The following RBM10 variants were observed in gnomAD, a reference collection of about 807,000 sequenced individuals.
RBM10 encodes the protein RNA binding motif protein 10.
Under a neutral mutation model 84.9 loss-of-function variants are expected in RBM10, and 1 was observed. The observed-to-expected ratio is 0.01, with a 90% CI of 0.00 to 0.06. RBM10 has a LOEUF of 0.06. Ranked by LOEUF, RBM10 falls within the 10% of genes least tolerant of loss-of-function variation. RBM10 has a pLI of 1.00. For synonymous variants in RBM10, 326 were observed against 344.5 expected (o/e 0.95, Z 0.60); for missense variants, 438 against 839.0 (o/e 0.52, Z 5.90).
chrX:47,146,176 T>G (rs191182811), intron 1 of RBM10, among the ~76,000 whole-genome samples: 4 of 111,202 alleles, frequency 3.6e-5, no homozygotes, highest in African/African-American at 1.3e-4. Context: ...CCTTCTGTGA[T>G]GTGGGCCCGT....
At chrX:47,174,876 G>A (rs1935009895) in intron 5 of RBM10, 143 bp from the exon 6 acceptor site, 3 of 482,545 alleles carry the variant, frequency 6.2e-6, no homozygotes, top group East Asian at 3.9e-5. Context: ...CTCTCTGATT[G>A]CCTCTTTCTC....
rs1932011120 is a variant in RBM10 at position 47,145,294 on chromosome X, T to G, written c.-317T>G. 3 of 597,216 alleles carry G rather than the reference T, an allele frequency of 5.0e-6. No individual in the cohort carries two copies. Among genetic ancestry groups the G allele is most frequent in the African/African-American group, 4.5e-5 (2 of 44,856 alleles). 49.2% of individuals were successfully genotyped at this position (597,216 alleles called of 1,213,427 possible). Reference sequence around the variant, plus strand: ...TTTTGAGCTGGTGACTGTGGCCGGCTGGGAGTAGGCGGCAGTGAGTTTCCC... The same window carrying G: ...TTTTGAGCTGGTGACTGTGGCCGGCGGGGAGTAGGCGGCAGTGAGTTTCCC... On this transcript the variant is annotated 5_prime_UTR_variant, in exon 1 of 24. Transcript: ENST00000377604.
In RBM10 at chrX:47,181,797, C is replaced by T. The variant is rs1341933980; in HGVS notation, c.1624C>T (p.Pro542Ser). The change falls in exon 15 of 24, where the codon CCT becomes TCT. Residue 542 changes from proline to serine, a missense_variant. Coordinates refer to ENST00000377604, the MANE Select transcript of RBM10 (RefSeq NM_005676.5). ...TGTGCTCAAATCTGAGCTCCAGAGC[C>T]CTACCCATCCTAGTTCTGCTCTCCC... ...PAVLKSELQS[P>S]THPSSALPPA... The T allele has an allele frequency of 8.3e-7, 1 of 1,211,500 alleles. No individual in the cohort carries two copies. Among genetic ancestry groups the T allele is most frequent in the Non-Finnish European group, 1.1e-6 (1 of 895,491 alleles).
At chrX:47,166,471 C>CTTTT (rs1287386508) in intron 2 of RBM10, among the ~76,000 whole-genome samples, 1 of 105,672 alleles carries the variant, frequency 9.5e-6, no homozygotes. Flanking sequence ...TTCTCTCTCT[C>CTTTT]TTTTTTTTTT....
At chrX:47,162,734 G>T (rs782162692) in intron 2 of RBM10, among the ~76,000 whole-genome samples, 225 of 110,241 alleles carry the variant, frequency 2.0e-3, no homozygotes, top group Non-Finnish European at 3.8e-3. Context: ...ATTAGCTGGG[G>T]GTGGTGGCAG....
chrX:47,146,263 G>GAGT (rs1381779386), intron 1 of RBM10, among the ~76,000 whole-genome samples: 5 of 110,819 alleles, frequency 4.5e-5, no homozygotes, highest in Non-Finnish European at 1.9e-5. Context: ...CCCTTTGCCA[G>GAGT]AGTCTCTTGA....
rs1569196605 is a variant in RBM10 at position 47,182,030 on chromosome X, C to T, written c.1773C>T (p.Asp591=). 3 of 1,209,516 alleles carry T rather than the reference C, an allele frequency of 2.5e-6. No individual in the cohort carries two copies. The highest frequency in any genetic ancestry group is 3.5e-5 in the African/African-American group (2 of 57,014). ...ACCCCCAGACCGGCCTCTACTATGA[C>T]CCCAACTCCCAGGTAATAGGGCAGC... ...YYDPQTGLYY[D]PNSQYYYNAQ... Residue 591 remains aspartate, a synonymous_variant, in exon 16 of 24, where the codon GAC becomes GAT. Coordinates refer to ENST00000377604, the MANE Select transcript of RBM10 (RefSeq NM_005676.5).
At chrX:47,150,393 C>A (rs1254134035) in intron 2 of RBM10, among the ~76,000 whole-genome samples, 2 of 111,362 alleles carry the variant, frequency 1.8e-5, no homozygotes, top group Non-Finnish European at 1.9e-5. Flanking sequence ...TGGTCTCGAT[C>A]TCCTGACCTG....
At chrX:47,169,227 A>G in intron 2 of RBM10, 88 bp from the exon 3 acceptor site, 1 of 975,570 alleles carries the variant, frequency 1.0e-6, no homozygotes, top group Non-Finnish European at 1.4e-6. Flanking sequence ...AAAAAACCAA[A>G]ACCCTACGAG....
intron 6 of RBM10, among the ~76,000 whole-genome samples, chrX:47,176,201 G>A (rs1556776073): frequency 1.8e-5 from 2 of 109,156 alleles, no homozygotes; most frequent in East Asian, 2.9e-4. Flanking sequence ...TGTCAGGGCC[G>A]AGTGGGGGTT....
At chrX:47,186,039 A>G (rs1935881641) in intron 21 of RBM10, 26 bp from the exon 22 acceptor site, 1 of 1,206,029 alleles carries the variant, frequency 8.3e-7, no homozygotes, top group South Asian at 1.8e-5. Flanking sequence ...GCTCCCCAAC[A>G]TTCACATACA....
At chrX:47,173,249 G>A (rs782342454) in intron 5 of RBM10, 52 bp downstream of exon 5, 43 of 1,193,149 alleles carry the variant, frequency 3.6e-5, no homozygotes, top group Non-Finnish European at 4.5e-5. Context: ...CTCAGCCTCC[G>A]AATCTCCCTC....
rs369737078 is a variant in RBM10 at position 47,181,496 on chromosome X, C to T, written c.1436-11C>T. The T allele has an allele frequency of 5.3e-5, 64 of 1,210,363 alleles. No individual in the cohort carries two copies. Among genetic ancestry groups the T allele is most frequent in the African/African-American group, 7.0e-5 (4 of 57,435 alleles). ...TCACAGGCATTGTCCCTGCCCTGTC[C>T]CTCCTTACAGGTCCCGAGGCCTCCC... On this transcript the variant is annotated splice_polypyrimidine_tract_variant and intron_variant, in intron 13 of 23. Transcript: ENST00000377604.
At chrX:47,150,630 C>T (rs1333447239) in intron 2 of RBM10, among the ~76,000 whole-genome samples, 2 of 111,842 alleles carry the variant, frequency 1.8e-5, no homozygotes, top group Admixed American at 1.9e-4. Flanking sequence ...ATCTGTGGTA[C>T]CTCATCTGAT....
intron 2 of RBM10, among the ~76,000 whole-genome samples, chrX:47,149,689 TTGCCA>T (rs1228783874): frequency 8.9e-6 from 1 of 111,893 alleles, no homozygotes; most frequent in East Asian, 2.8e-4. Context: ...TCTGTCTGTA[TTGCCA>T]TGTATATGTT....
chrX:47,175,424 G>T (rs782643007), intron 6 of RBM10, among the ~76,000 whole-genome samples: 5 of 109,636 alleles, frequency 4.6e-5, no homozygotes, highest in East Asian at 2.9e-4. Context: ...CGGGGCTGGT[G>T]GGGGGGGCAC....
At chrX:47,171,756 G>T (rs782133983) in intron 4 of RBM10, among the ~76,000 whole-genome samples, 51 of 111,860 alleles carry the variant, frequency 4.6e-4, no homozygotes, top group Non-Finnish European at 7.5e-4. Context: ...CAGCCTCCAC[G>T]CCTGCCTCCC....
intron 17 of RBM10, among the ~76,000 whole-genome samples, chrX:47,183,543 T>C (rs1935688551): frequency 9.2e-6 from 1 of 108,249 alleles, no homozygotes; most frequent in African/African-American, 3.4e-5. Context: ...ATATTATATA[T>C]ATATAAAGGT....
At chrX:47,184,476 T>C (rs1373140187) in intron 17 of RBM10, among the ~76,000 whole-genome samples, 7 of 112,550 alleles carry the variant, frequency 6.2e-5, no homozygotes, top group African/African-American at 2.3e-4. Flanking sequence ...AGGGATTACA[T>C]TTCTGACACA....
Sources: allele counts gnomAD v4.1 joint callset (sites outside exome capture counted in the v4.1 genomes callset), GRCh38; gene constraint gnomAD v4.1.1; transcripts MANE v1.5; gene names NCBI Gene and HGNC (gene_info 2026-07-23, HGNC 2026-07-21).